Variants in FAAH2 observed in about 807,000 individuals in gnomAD.
FAAH2 encodes the protein fatty-acid amide hydrolase 2.
FAAH2 carries 60 observed loss-of-function variants against 36.9 expected under a neutral mutation model. The ratio of observed to expected loss-of-function variants is 1.63; its 90% confidence interval spans 1.32 to 2.02. The LOEUF (loss-of-function observed/expected upper bound fraction) is 2.02. Among genes scored for constraint, FAAH2 ranks in the 30% most tolerant of loss-of-function variants. The pLI is 0.00. For synonymous variants in FAAH2, 214 were observed against 143.8 expected (o/e 1.49, Z -3.49); for missense variants, 689 against 397.5 (o/e 1.73, Z -6.23).
the FAAH2 span, among the ~76,000 whole-genome samples, chrX:57,163,729 A>T: frequency 8.9e-6 from 1 of 111,975 alleles, no homozygotes; most frequent in Non-Finnish European, 1.9e-5. Context: ...CTCGCACACG[A>T]TGCGTGCACC....
At chrX:57,428,753 G>A (rs1464903551) in intron 7 of FAAH2, among the ~76,000 whole-genome samples, 2 of 111,777 alleles carry the variant, frequency 1.8e-5, no homozygotes. Context: ...ATGTATTAAA[G>A]GCTTAAGTGT....
At chrX:57,451,888 T>C (rs1229922320) in intron 10 of FAAH2, among the ~76,000 whole-genome samples, 1 of 112,818 alleles carries the variant, frequency 8.9e-6, no homozygotes, top group Admixed American at 9.3e-5. Context: ...TAATCTAGCC[T>C]GCAGATTCTT....
chrX:57,313,069 T>C (rs994482103), intron 3 of FAAH2, among the ~76,000 whole-genome samples: 1 of 111,539 alleles, frequency 9.0e-6, no homozygotes, highest in Non-Finnish European at 1.9e-5. Context: ...AATTAAAGAC[T>C]CACTATGAGA....
At chrX:57,197,318 G>A in the FAAH2 span, among the ~76,000 whole-genome samples, 6 of 111,269 alleles carry the variant, frequency 5.4e-5, no homozygotes, top group Non-Finnish European at 9.4e-5. Flanking sequence ...TCACCTTTCT[G>A]TGATGCCTCA....
chrX:57,191,723 C>A, the FAAH2 span, among the ~76,000 whole-genome samples: 1 of 111,955 alleles, frequency 8.9e-6, no homozygotes, highest in Non-Finnish European at 1.9e-5. Flanking sequence ...TTTCCCAGCA[C>A]AATTTATTGA....
the FAAH2 span, among the ~76,000 whole-genome samples, chrX:57,216,078 TG>T: frequency 4.6e-5 from 5 of 108,186 alleles, no homozygotes; most frequent in African/African-American, 1.7e-4. Context: ...GAAAATCCAT[TG>T]GTGGGATTTT....
chrX:57,434,018 C>A, intron 8 of FAAH2, among the ~76,000 whole-genome samples: 1 of 110,387 alleles, frequency 9.1e-6, no homozygotes, highest in East Asian at 2.8e-4. Flanking sequence ...CAAAAGAAAT[C>A]TTCAAAATGC....
At chrX:57,139,837 T>C in the FAAH2 span, among the ~76,000 whole-genome samples, 3 of 111,928 alleles carry the variant, frequency 2.7e-5, no homozygotes, top group South Asian at 1.1e-3. Flanking sequence ...TTGGCCATTC[T>C]GATCCTTCTG....
chrX:57,386,669 C>T (rs1278074704), intron 7 of FAAH2, among the ~76,000 whole-genome samples: 2 of 111,914 alleles, frequency 1.8e-5, no homozygotes, highest in African/African-American at 6.5e-5. Flanking sequence ...AATATTCTGA[C>T]CCCAAACCCT....
intron 10 of FAAH2, among the ~76,000 whole-genome samples, chrX:57,464,518 CAAAA>C (rs5902566): frequency 3.0e-4 from 18 of 60,983 alleles, no homozygotes; most frequent in African/African-American, 1.0e-3. Flanking sequence ...ATAGCAATTG[CAAAA>C]AAAAAAAAAA....
the FAAH2 span, among the ~76,000 whole-genome samples, chrX:57,155,676 G>A: frequency 8.9e-6 from 1 of 112,305 alleles, no homozygotes; most frequent in African/African-American, 3.2e-5. Flanking sequence ...GAGACTTTGG[G>A]TTCAGTTGGA....
intron 3 of FAAH2, among the ~76,000 whole-genome samples, chrX:57,321,019 A>T (rs1403459944): frequency 9.1e-6 from 1 of 110,116 alleles, no homozygotes; most frequent in Non-Finnish European, 1.9e-5. Context: ...GGGCGCCTGT[A>T]GTCCCAGCTA....
chrX:57,123,003 TTTA>T, the FAAH2 span, among the ~76,000 whole-genome samples: 1 of 111,961 alleles, frequency 8.9e-6, no homozygotes, highest in Admixed American at 9.4e-5. Context: ...TATTTTCATT[TTTA>T]TTTTTTTAAA....
intron 10 of FAAH2, among the ~76,000 whole-genome samples, chrX:57,467,175 G>C (rs777340114): frequency 9.0e-6 from 1 of 111,366 alleles, no homozygotes; most frequent in African/African-American, 3.3e-5. Flanking sequence ...CAGCATGAGC[G>C]ACGCAGAAGA....
the FAAH2 span, among the ~76,000 whole-genome samples, chrX:57,257,423 C>T: frequency 1.2e-4 from 13 of 110,997 alleles, no homozygotes; most frequent in Non-Finnish European, 2.5e-4. Flanking sequence ...AACCATCATT[C>T]TCAGCAAACT....
chrX:57,326,399 A>G (rs1479572425), intron 3 of FAAH2, among the ~76,000 whole-genome samples: 1 of 114,327 alleles, frequency 8.7e-6, no homozygotes, highest in Non-Finnish European at 1.9e-5. Context: ...ATCCTTGTTA[A>G]CTTTCTGTCT....
the FAAH2 span, among the ~76,000 whole-genome samples, chrX:57,269,105 T>A: frequency 2.7e-5 from 3 of 111,468 alleles, no homozygotes; most frequent in Non-Finnish European, 5.7e-5. Context: ...AAAGTAGAAC[T>A]GACAAGCATC....
chrX:57,409,518 C>T (rs1426421392), intron 7 of FAAH2, among the ~76,000 whole-genome samples: 1 of 110,850 alleles, frequency 9.0e-6, no homozygotes, highest in East Asian at 2.8e-4. Context: ...CCATCAGGTT[C>T]TGGGCTTATC....
intron 7 of FAAH2, among the ~76,000 whole-genome samples, chrX:57,395,927 GT>G (rs749567225): frequency 5.4e-5 from 6 of 111,977 alleles, no homozygotes; most frequent in Non-Finnish European, 9.4e-5. Flanking sequence ...ATTGGGACAA[GT>G]TTTTTGTATG....
Sources: gnomAD v4.1 joint callset for allele counts (sites outside exome capture counted in the v4.1 genomes callset) on GRCh38, gnomAD v4.1.1 for gene constraint, MANE v1.5 for transcripts, NCBI Gene and HGNC (gene_info 2026-07-23, HGNC 2026-07-21) for gene names.